The following ADGRF1 variants were observed in gnomAD, a reference collection of about 807,000 sequenced individuals.
ADGRF1 encodes the protein adhesion G protein-coupled receptor F1, also known as G protein-coupled receptor 110.
A neutral mutation model predicts 87.2 loss-of-function variants in ADGRF1; 85 were observed. That is an observed-to-expected ratio of 0.97 (90% CI 0.82 to 1.17). The LOEUF is 1.17. ADGRF1 is among the 50% of genes most tolerant of loss of function. The pLI, the probability that ADGRF1 is intolerant of heterozygous loss-of-function variation, is 0.00. For missense variants in ADGRF1, 1,169 were observed against 1,077.2 expected (o/e 1.09, Z -1.19); for synonymous variants, 430 against 408.8 (o/e 1.05, Z -0.63).
chr6:47,001,823 C>T, intron 13 of ADGRF1: 1 of 355,602 alleles, frequency 2.8e-6, no homozygotes, highest in Non-Finnish European at 5.2e-6. Flanking sequence ...AACTAGAAAA[C>T]AGTTTTAAAG....
rs1007047359 is a variant in ADGRF1 at position 46,999,889 on chromosome 6, A to T, written c.*333T>A. 5.7e-6 allele frequency: 1 copy of T among 175,880 alleles called. No individual in the cohort carries two copies. The highest frequency in any genetic ancestry group is 2.4e-5 in the African/African-American group (1 of 42,376). 10.9% of individuals were successfully genotyped at this position (175,880 alleles called of 1,614,324 possible). A position where few individuals can be genotyped will look rare whatever the true frequency, so the allele number is the denominator to read the frequency against. On this transcript the variant is annotated 3_prime_UTR_variant, in exon 15 of 15. Transcript: ENST00000371253. Reference sequence around the variant, plus strand: ...ATAAAATTTTCTTCCTTCAATCCAGATTATTGGAAATGCCATGTGAATAAT... The same window carrying T: ...ATAAAATTTTCTTCCTTCAATCCAGTTTATTGGAAATGCCATGTGAATAAT...
chr6:47,041,256 C>T (rs1444728163), intron 1 of ADGRF1, among the ~76,000 whole-genome samples: 1 of 152,146 alleles, frequency 6.6e-6, no homozygotes, highest in Non-Finnish European at 1.5e-5. Context: ...GACAACAGAG[C>T]ATAATAAAAG....
In ADGRF1 at chr6:47,007,697, G is replaced by GAGGGAT. The variant is rs1779572433; in HGVS notation, c.2491-409_2491-404dup. 2.0e-5 allele frequency among the ~76,000 whole-genome samples: 3 copies of GAGGGAT among 152,318 alleles called. No individual in the cohort carries two copies. In the South Asian group the frequency reaches 6.2e-4, roughly 32 times the overall value. Reference sequence around the variant, plus strand: ...AGAGATCCAATCCTATGGCCAAGTGGAGGGATTTGACCTATATCAGCACCC... The same window carrying GAGGGAT: ...AGAGATCCAATCCTATGGCCAAGTGGAGGGATAGGGATTTGACCTATATCAGCACCC... On this transcript the variant is annotated intron_variant, in intron 11 of 14. Coordinates refer to ENST00000371253, the MANE Select transcript of ADGRF1 (RefSeq NM_153840.4).
intron 1 of ADGRF1, among the ~76,000 whole-genome samples, chr6:47,034,069 G>C (rs933597025): frequency 6.6e-6 from 1 of 152,178 alleles, no homozygotes; most frequent in Non-Finnish European, 1.5e-5. Context: ...TATAAACACA[G>C]CAGGAAGAGG....
At position 47,009,247 on chromosome 6, in the gene ADGRF1, T is replaced by G; in HGVS notation, c.2188A>C (p.Lys730Gln). ...GACCAGTTAAGCCAACACACATCTT[T>G]CCTTTTGTAGGTATTGCTAGGTTGC... ...VTQPSNTYKRKDVCWLNWSNG... is the reference protein window; with the variant it reads ...VTQPSNTYKRQDVCWLNWSNG... The change falls in exon 11 of 15, where the codon AAA becomes CAA. Residue 730 changes from lysine (K) to glutamine (Q), a missense_variant. Physicochemically the swap from Lys to Gln is moderately conservative, Grantham distance 53 (BLOSUM62 1). Transcript: ENST00000371253. 1 of 1,614,160 alleles carries G rather than the reference T, an allele frequency of 6.2e-7. No individual in the cohort carries two copies. The highest frequency in any genetic ancestry group is 8.5e-7 in the Non-Finnish European group (1 of 1,180,016).
At chr6:47,014,982 G>T in intron 8 of ADGRF1, 138 bp from the exon 9 acceptor site, 1 of 1,245,142 alleles carries the variant, frequency 8.0e-7, no homozygotes, top group Non-Finnish European at 1.1e-6. Flanking sequence ...AGTAAGAGAA[G>T]TTTGTCTTTG....
At chr6:47,003,068 C>T (rs1471895210) in intron 13 of ADGRF1, among the ~76,000 whole-genome samples, 1 of 145,572 alleles carries the variant, frequency 6.9e-6, no homozygotes, top group Non-Finnish European at 1.5e-5. Context: ...AAATTCTAAG[C>T]CCCCCAACCA....
intron 13 of ADGRF1, 21 bp downstream of exon 13, chr6:47,005,796 A>C: frequency 6.3e-7 from 1 of 1,585,430 alleles, no homozygotes; most frequent in Non-Finnish European, 8.6e-7. Context: ...TATTGGATTC[A>C]TGGCAGTAGG....
rs949537854 is a variant in ADGRF1, at chr6:46,999,243, G to T, written c.*979C>A. 2 of 152,188 alleles carry T rather than the reference G, an allele frequency of 1.3e-5. No individual in the cohort carries two copies. The highest frequency in any genetic ancestry group is 4.8e-5 in the African/African-American group (2 of 41,456). The allele number at this position is 152,188 out of a possible 1,614,324, so 9.4% of individuals were successfully genotyped here. A position where few individuals can be genotyped will look rare whatever the true frequency, so the allele number is the denominator to read the frequency against. ...CCACAAAGTGCCTATGGTGTATTAT[G>T]AAAGAAAATAAGGATGTTTTAAGGT... On this transcript the variant is annotated 3_prime_UTR_variant, in exon 15 of 15. Coordinates refer to ENST00000371253, the MANE Select transcript of ADGRF1 (RefSeq NM_153840.4).
rs1375525510 is a variant in ADGRF1 at position 47,008,941 on chromosome 6, T to G, written c.2490+4A>C. ...ATACAATAGGTTATTGTTACTGTTC[T>G]CACCTGGAATGCATTGAGTAAAGCA... On this transcript the variant is annotated splice_donor_region_variant and intron_variant, in intron 11 of 14. Coordinates refer to ENST00000371253, the MANE Select transcript of ADGRF1 (RefSeq NM_153840.4). 3.8e-6 allele frequency: 6 copies of G among 1,578,680 alleles called. No individual in the cohort carries two copies. In the South Asian group the frequency reaches 7.0e-5, roughly 18 times the overall value.
At position 47,010,284 on chromosome 6, in the gene ADGRF1, G is replaced by A. The variant is rs765369441; in HGVS notation, c.1151C>T (p.Ser384Leu). ...GACTGTCCAGTTGGTTACTGAGGCTGAATTAAGGATATTGTCAGCTATACT... is the reference window on the plus strand; with the variant it reads ...GACTGTCCAGTTGGTTACTGAGGCTAAATTAAGGATATTGTCAGCTATACT... ...VISIADNILN[S>L]ASVTNWTVLL... Residue 384 changes from serine (S) to leucine (L), a missense_variant, in exon 11 of 15, where the codon TCA becomes TTA. Physicochemically the swap from Ser to Leu is moderately radical, Grantham distance 145. Coordinates refer to ENST00000371253, the MANE Select transcript of ADGRF1 (RefSeq NM_153840.4). The A allele has an allele frequency of 6.8e-6, 11 of 1,612,450 alleles. No individual in the cohort carries two copies. The highest frequency in any genetic ancestry group is 3.3e-4 in the Middle Eastern group (2 of 6,056).
At chr6:47,005,914 T>TA in intron 12 of ADGRF1, 38 bp from the exon 13 acceptor site, 1 of 1,361,872 alleles carries the variant, frequency 7.3e-7, no homozygotes, top group Non-Finnish European at 1.0e-6. Flanking sequence ...GAGATACACA[T>TA]ACAATCATAC....
intron 1 of ADGRF1, among the ~76,000 whole-genome samples, chr6:47,031,458 C>A (rs564541273): frequency 6.6e-6 from 1 of 151,632 alleles, no homozygotes; most frequent in Non-Finnish European, 1.5e-5. Context: ...AGCCTGAGGA[C>A]AGCTCTGGGC....
At chr6:47,024,333 T>C (rs1780162131) in intron 4 of ADGRF1, 116 bp from the exon 5 acceptor site, 1 of 784,202 alleles carries the variant, frequency 1.3e-6, no homozygotes, top group Non-Finnish European at 2.0e-6. Flanking sequence ...ACATCTTCTA[T>C]GAGTTTTGTT....
At chr6:47,020,867 A>G in intron 6 of ADGRF1, 78 bp from the exon 7 acceptor site, 1 of 1,097,338 alleles carries the variant, frequency 9.1e-7, no homozygotes. Context: ...AAATTGATAC[A>G]GACAATAAAT....
chr6:47,028,868 A>G (rs966397513), intron 2 of ADGRF1, 125 bp downstream of exon 2: 4 of 745,732 alleles, frequency 5.4e-6, no homozygotes, highest in African/African-American at 3.5e-5. Context: ...AGAACTCAGG[A>G]CTTCTGATCT....
Position 47,022,020 on chromosome 6 carries a change from T to G in ADGRF1, c.490A>C (p.Asn164His), listed in dbSNP as rs1780071192. The G allele has an allele frequency of 1.3e-6, 2 of 1,586,636 alleles. No individual in the cohort carries two copies. Among genetic ancestry groups the G allele is most frequent in the Non-Finnish European group, 1.7e-6 (2 of 1,170,146 alleles). ...GCAGAAGATGAATTCAAAAGGTCAT[T>G]TGTAAACCTTTCATTAATTTTGAAA... is the stretch of plus-strand genomic sequence containing the variant. The part of the protein sequence containing the change: ...GTFKINERFT[N>H]DLLNSSSAIY... Residue 164 changes from asparagine to histidine, a missense_variant, in exon 6 of 15, where the codon AAT becomes CAT. Asn to His is a moderately conservative substitution (Grantham distance 68). Transcript: ENST00000371253.
rs1161180669 is a variant in ADGRF1, at chr6:47,001,491, T to C, written c.2659+10A>G. On this transcript the variant is annotated intron_variant, in intron 14 of 14. Transcript: ENST00000371253. ...CACCTTTTATAACCTTTGGTTTTATTGTAACTCACCTTTGTTTTGCAGTGG... is the reference window on the plus strand; with the variant it reads ...CACCTTTTATAACCTTTGGTTTTATCGTAACTCACCTTTGTTTTGCAGTGG... 1.9e-6 allele frequency: 3 copies of C among 1,612,414 alleles called. No homozygotes were observed. The highest frequency in any genetic ancestry group is 2.5e-6 in the Non-Finnish European group (3 of 1,178,788).
At chr6:47,033,809 T>A (rs1367127535) in intron 1 of ADGRF1, among the ~76,000 whole-genome samples, 2 of 152,272 alleles carry the variant, frequency 1.3e-5, no homozygotes, top group Non-Finnish European at 2.9e-5. Flanking sequence ...AGCTCCTGTG[T>A]GTTTCTGTAA....
Sources: gnomAD v4.1 joint callset for allele counts (sites outside exome capture counted in the v4.1 genomes callset) on GRCh38, gnomAD v4.1.1 for gene constraint, MANE v1.5 for transcripts, NCBI Gene and HGNC (gene_info 2026-07-23, HGNC 2026-07-21) for gene names.